Variants in CCDC178 observed in about 807,000 individuals in gnomAD.
The protein encoded by CCDC178 is coiled-coil domain containing 178.
Under a neutral mutation model 117.4 loss-of-function variants are expected in CCDC178, and 126 were observed. The observed-to-expected ratio is 1.07, with a 90% CI of 0.93 to 1.24. The LOEUF is 1.24. CCDC178 is among the 50% of genes most tolerant of loss of function. The pLI is 0.00. For missense variants in CCDC178, 1,030 were observed against 986.9 expected (o/e 1.04, Z -0.59); for synonymous variants, 283 against 313.4 (o/e 0.90, Z 1.02).
At chr18:33,394,977 A>G (rs867636725) in intron 4 of CCDC178, among the ~76,000 whole-genome samples, 4 of 136,924 alleles carry the variant, frequency 2.9e-5, no homozygotes, top group Non-Finnish European at 6.4e-5. Flanking sequence ...ATATATATAT[A>G]TATATATATA....
chr18:33,049,641 T>A (rs535744904), intron 21 of CCDC178, among the ~76,000 whole-genome samples: 3 of 152,322 alleles, frequency 2.0e-5, no homozygotes, highest in Admixed American at 6.5e-5. Flanking sequence ...GAGTGTTTGA[T>A]AAACACTGTT....
chr18:33,089,380 C>A lies in CCDC178; in HGVS notation c.2388+3381G>T, dbSNP rs2057427938. Among the ~76,000 whole-genome samples the A allele has an allele frequency of 2.0e-5, 3 of 152,122 alleles. No homozygotes were observed. The South Asian group carries it at 6.2e-4, about 32-fold the overall frequency. On this transcript the variant is annotated intron_variant, in intron 21 of 22. Coordinates refer to ENST00000383096, the MANE Select transcript of CCDC178 (RefSeq NM_001105528.4). ...TCTTGTGTGACACTCAATGTTAGTT[C>A]TATATCTTACATTGGGAGAGATGAT...
intron 12 of CCDC178, among the ~76,000 whole-genome samples, chr18:33,290,839 T>A (rs1024349877): frequency 6.6e-6 from 1 of 152,026 alleles, no homozygotes; most frequent in African/African-American, 2.4e-5. Flanking sequence ...GCACTGATTA[T>A]AAATATATAA....
At chr18:33,226,954 C>T (rs2059310424) in intron 15 of CCDC178, 99 bp from the exon 16 acceptor site, 1 of 469,836 alleles carries the variant, frequency 2.1e-6, no homozygotes, top group Admixed American at 3.8e-5. Flanking sequence ...TTTAATGTTT[C>T]AATATAGAGT....
intron 21 of CCDC178, among the ~76,000 whole-genome samples, chr18:33,044,521 A>C (rs571473916): frequency 1.3e-4 from 19 of 150,644 alleles, no homozygotes; most frequent in Non-Finnish European, 2.7e-4. Flanking sequence ...ACAAACAAAC[A>C]AAAAAAACAG....
chr18:33,234,405 T>A (rs1187379799), intron 15 of CCDC178, among the ~76,000 whole-genome samples: 1 of 151,992 alleles, frequency 6.6e-6, no homozygotes, highest in East Asian at 1.9e-4. Flanking sequence ...AGAATCTTAG[T>A]AAACGAAGAC....
chr18:33,321,467 T>TA (rs1309712767), intron 11 of CCDC178, among the ~76,000 whole-genome samples: 2 of 152,134 alleles, frequency 1.3e-5, no homozygotes, highest in African/African-American at 4.8e-5. Flanking sequence ...CTTGACTACT[T>TA]AAAACAATAA....
intron 20 of CCDC178, among the ~76,000 whole-genome samples, chr18:33,154,247 C>T (rs879749156): frequency 6.6e-6 from 1 of 152,114 alleles, no homozygotes; most frequent in African/African-American, 2.4e-5. Flanking sequence ...CTTGTTGACT[C>T]AGCTTTTTCT....
At chr18:33,193,668 C>T (rs2058890255) in intron 20 of CCDC178, among the ~76,000 whole-genome samples, 1 of 152,100 alleles carries the variant, frequency 6.6e-6, no homozygotes, top group Non-Finnish European at 1.5e-5. Context: ...ATGTTAATGT[C>T]ACTACCAAAT....
chr18:33,380,305 A>G (rs1323536432), intron 5 of CCDC178, among the ~76,000 whole-genome samples: 3 of 152,214 alleles, frequency 2.0e-5, no homozygotes, highest in Non-Finnish European at 4.4e-5. Flanking sequence ...GTAGAGGCAC[A>G]TATCCTGCTC....
chr18:33,324,929 T>C (rs1599163375), intron 10 of CCDC178, among the ~76,000 whole-genome samples: 1 of 151,828 alleles, frequency 6.6e-6, no homozygotes, highest in Non-Finnish European at 1.5e-5. Context: ...TATGCTGTAT[T>C]GGATGGTTTA....
Position 33,356,316 on chromosome 18 carries a change from T to C in CCDC178, c.371+8A>G. On this transcript the variant is annotated splice_region_variant and intron_variant, in intron 7 of 22. Transcript: ENST00000383096. The stretch of plus-strand genomic sequence containing the variant: ...AAAATAGTTTTAAAAAGCATGAAAT[T>C]TTCTTACCATTCTTCAAAAGAAGTT... 6.7e-7 allele frequency: 1 copy of C among 1,481,826 alleles called. No homozygotes were observed. The highest frequency in any genetic ancestry group is 9.1e-7 in the Non-Finnish European group (1 of 1,095,530). 91.8% of individuals were successfully genotyped at this position (1,481,826 alleles called of 1,614,324 possible). A position where few individuals can be genotyped will look rare whatever the true frequency, so the allele number is the denominator to read the frequency against.
chr18:33,276,474 T>C (rs1437646129), intron 12 of CCDC178, among the ~76,000 whole-genome samples: 1 of 152,040 alleles, frequency 6.6e-6, no homozygotes, highest in Non-Finnish European at 1.5e-5. Context: ...GCACTGAGGT[T>C]CTCAAATGTT....
chr18:33,044,441 A>G (rs2056605034), intron 21 of CCDC178, among the ~76,000 whole-genome samples: 1 of 152,124 alleles, frequency 6.6e-6, no homozygotes, highest in Non-Finnish European at 1.5e-5. Flanking sequence ...TAATCATCAG[A>G]GAAATGCAAA....
At chr18:33,193,314 C>T (rs1304791275) in intron 20 of CCDC178, among the ~76,000 whole-genome samples, 1 of 140,762 alleles carries the variant, frequency 7.1e-6, no homozygotes, top group Non-Finnish European at 1.5e-5. Context: ...ATAAAGAGGT[C>T]TGAGGAAGCC....
chr18:33,403,081 A>G (rs2063731294), intron 3 of CCDC178, among the ~76,000 whole-genome samples: 1 of 152,130 alleles, frequency 6.6e-6, no homozygotes, highest in Non-Finnish European at 1.5e-5. Context: ...GATTTGGCAC[A>G]CACACAGAAA....
chr18:33,253,970 A>G (rs539556366), intron 14 of CCDC178, among the ~76,000 whole-genome samples: 1 of 152,070 alleles, frequency 6.6e-6, no homozygotes, highest in East Asian at 1.9e-4. Flanking sequence ...TAAATGATTC[A>G]ATAAAGTTTT....
At chr18:33,332,928 A>G (rs986787440) in intron 10 of CCDC178, among the ~76,000 whole-genome samples, 5 of 152,202 alleles carry the variant, frequency 3.3e-5, no homozygotes, top group South Asian at 2.1e-4. Context: ...TTACCTGGCT[A>G]TTTTAAATGA....
Position 33,211,980 on chromosome 18 carries a change from T to C in CCDC178, c.2154A>G (p.Lys718=), listed in dbSNP as rs377018764. The part of the protein sequence containing the change: ...TVFDHYMQEK[K]DCEERIFEED... ...CCTCAAAGATTCTCTCTTCACAGTCTTTTTTCTCTTGCATATAATGATCAA... is the reference window on the plus strand; with the variant it reads ...CCTCAAAGATTCTCTCTTCACAGTCCTTTTTCTCTTGCATATAATGATCAA... The change falls in exon 20 of 23, where the codon AAA becomes AAG. Residue 718 remains lysine, a synonymous_variant. Coordinates refer to ENST00000383096, the MANE Select transcript of CCDC178 (RefSeq NM_001105528.4). 5.6e-6 allele frequency: 9 copies of C among 1,609,202 alleles called. No homozygotes were observed. The highest frequency in any genetic ancestry group is 7.6e-6 in the Non-Finnish European group (9 of 1,177,062).
Sources: allele counts gnomAD v4.1 joint callset (sites outside exome capture counted in the v4.1 genomes callset), GRCh38; gene constraint gnomAD v4.1.1; transcripts MANE v1.5; gene names NCBI Gene and HGNC (gene_info 2026-07-23, HGNC 2026-07-21).